The following ANO8 variants were observed in gnomAD, a reference collection of about 807,000 sequenced individuals.
The protein encoded by ANO8 is anoctamin-8.
A neutral mutation model predicts 120.4 loss-of-function variants in ANO8; 67 were observed. The observed-to-expected ratio is 0.56, with a 90% CI of 0.46 to 0.68. ANO8 has a LOEUF of 0.68. Among genes scored for constraint, ANO8 ranks in the 30% least tolerant of loss-of-function variants. The probability of loss-of-function intolerance (pLI) is 0.00; values close to 1 mark genes in which losing one functional copy is unlikely to be tolerated. For missense variants in ANO8, 1,526 were observed against 1,737.6 expected (o/e 0.88, Z 2.16); for synonymous variants, 727 against 759.2 (o/e 0.96, Z 0.70).
chr19:17,325,218 C>T lies in ANO8; in HGVS notation c.2830G>A (p.Glu944Lys), dbSNP rs1324351117. Residue 944 changes from glutamate (E) to lysine (K), a missense_variant, in exon 17 of 18, where the codon GAG becomes AAG. By Grantham distance (56) the Glu-to-Lys change is moderately conservative. Around this residue, in one of 8 missense-constraint regions of ANO8, gnomAD observed 489 missense variants for 548.6 expected, o/e 0.89. Coordinates refer to ENST00000159087, the MANE Select transcript of ANO8 (RefSeq NM_020959.3). ...GSGLDPATSS[E>K]KASAKAKGST... ...CCCTTGGCCTTGGCAGAGGCCTTCT[C>T]GGAGGAGGTGGCAGGGTCCAGCCCA... The T allele has an allele frequency of 1.4e-5, 23 of 1,611,908 alleles. No individual in the cohort carries two copies. The highest frequency in any genetic ancestry group is 1.9e-5 in the Non-Finnish European group (22 of 1,179,818).
chr19:17,325,484 G>A (rs1174302105), intron 16 of ANO8, 98 bp from the exon 17 acceptor site: 3 of 1,458,986 alleles, frequency 2.1e-6, no homozygotes, highest in Admixed American at 5.2e-5. Context: ...CAAAAGTGGG[G>A]GAGACTTAAA....
chr19:17,330,879 C>G lies in ANO8; in HGVS notation c.942G>C (p.Gly314=), dbSNP rs930524526. ...RRGAELAYKW[G]TLDSPGEAVE... Reference sequence around the variant, plus strand: ...CGGCTTCCCCAGGTGAGTCCAGCGTCCCCCACTTATATGCCAGCTCAGCCC... The same window carrying G: ...CGGCTTCCCCAGGTGAGTCCAGCGTGCCCCACTTATATGCCAGCTCAGCCC... Residue 314 remains glycine (G), a synonymous_variant, in exon 8 of 18, where the codon GGG becomes GGC. Transcript: ENST00000159087. 7 of 1,614,044 alleles carry G rather than the reference C, an allele frequency of 4.3e-6. No homozygotes were observed. The Admixed American group carries it at 6.7e-5, about 15-fold the overall frequency.
rs757172572 is a variant in ANO8 at position 17,333,575 on chromosome 19, C to T, written c.218-21G>A. On this transcript the variant is annotated intron_variant, in intron 2 of 17. Coordinates refer to ENST00000159087, the MANE Select transcript of ANO8 (RefSeq NM_020959.3). The surrounding 1 kb of genome is among the most constrained non-coding windows in gnomAD (Gnocchi z 7.2). Reference sequence around the variant, plus strand: ...CGTGTCTGCCAAGGGGCACAGGGACCGATGGCTCCTGCCACGAGGGGGCCC... The same window carrying T: ...CGTGTCTGCCAAGGGGCACAGGGACTGATGGCTCCTGCCACGAGGGGGCCC... 4 of 1,607,450 alleles carry T rather than the reference C, an allele frequency of 2.5e-6. No homozygotes were observed. The highest frequency in any genetic ancestry group is 2.2e-5 in the East Asian group (1 of 44,568).
At chr19:17,330,592 T>C (rs1236796094) in intron 8 of ANO8, 88 bp from the exon 9 acceptor site, 58 of 1,442,544 alleles carry the variant, frequency 4.0e-5, no homozygotes, top group Non-Finnish European at 4.9e-5. Context: ...GAACTCAATT[T>C]CCCTCCATCA....
chr19:17,334,390 C>T (rs1205839276), intron 1 of ANO8, among the ~76,000 whole-genome samples, 175 bp downstream of exon 1: 1 of 152,170 alleles, frequency 6.6e-6, no homozygotes, highest in Non-Finnish European at 1.5e-5. Context: ...GGACCCCAGC[C>T]CGAAGCACCG....
chr19:17,323,960 G>A (rs1160966133), intron 17 of ANO8, 76 bp from the exon 18 acceptor site: 6 of 1,059,946 alleles, frequency 5.7e-6, no homozygotes, highest in African/African-American at 1.7e-5. Flanking sequence ...CCCTGCCCGC[G>A]CTCCCTCCCG....
Position 17,330,512 on chromosome 19 carries a change from T to G in ANO8, c.994-8A>C. 6.6e-7 allele frequency: 1 copy of G among 1,505,078 alleles called. No homozygotes were observed. Among genetic ancestry groups the G allele is most frequent in the South Asian group, 1.3e-5 (1 of 76,854 alleles). 93.2% of individuals were successfully genotyped at this position (1,505,078 alleles called of 1,614,324 possible). The stretch of plus-strand genomic sequence containing the variant: ...GCTGATACGTCGCACGCCCTGATGG[T>G]GGGCAAAGACCGGGCCCAGCATGAG... On this transcript the variant is annotated splice_polypyrimidine_tract_variant and splice_region_variant and intron_variant, in intron 8 of 17. Transcript: ENST00000159087.
In ANO8 at chr19:17,334,794, G is replaced by A. The variant is rs939800819; in HGVS notation, c.-124C>T. 1.7e-6 allele frequency: 2 copies of A among 1,163,114 alleles called. No homozygotes were observed. Among genetic ancestry groups the A allele is most frequent in the Non-Finnish European group, 1.1e-6 (1 of 877,556 alleles). 72.0% of individuals were successfully genotyped at this position (1,163,114 alleles called of 1,614,324 possible). On this transcript the variant is annotated 5_prime_UTR_variant, in exon 1 of 18. Transcript: ENST00000159087. Reference sequence around the variant, plus strand: ...GACAAAGGCCGCGCCCGCCCGCGCCGGCCTCGGTCCTCGCTCGCCCGAGCG... The same window carrying A: ...GACAAAGGCCGCGCCCGCCCGCGCCAGCCTCGGTCCTCGCTCGCCCGAGCG...
chr19:17,324,003 T>C (rs1335256466), intron 17 of ANO8, 119 bp from the exon 18 acceptor site: 2 of 1,010,048 alleles, frequency 2.0e-6, no homozygotes, highest in South Asian at 4.7e-5. Context: ...TTATTGCTTC[T>C]GATCAGAGAC....
rs955859095 is a variant in ANO8 at position 17,328,988 on chromosome 19, G to T, written c.1405-5C>A. 1.3e-5 allele frequency: 19 copies of T among 1,485,184 alleles called. No homozygotes were observed. Among genetic ancestry groups the T allele is most frequent in the Non-Finnish European group, 1.7e-5 (19 of 1,119,264 alleles). 92.0% of individuals were successfully genotyped at this position (1,485,184 alleles called of 1,614,324 possible). A position where few individuals can be genotyped will look rare whatever the true frequency, so the allele number is the denominator to read the frequency against. On this transcript the variant is annotated splice_region_variant and splice_polypyrimidine_tract_variant and intron_variant, in intron 12 of 17. Coordinates refer to ENST00000159087, the MANE Select transcript of ANO8 (RefSeq NM_020959.3). Reference sequence around the variant, plus strand: ...GATCAGCAGCGTGGCCAGCATCTGGGGGCAGGAAGGGGAAGGAGAGAGGCG... The same window carrying T: ...GATCAGCAGCGTGGCCAGCATCTGGTGGCAGGAAGGGGAAGGAGAGAGGCG...
Position 17,323,279 on chromosome 19 carries a change from ATAAAT to A in ANO8, c.*233_*237del, listed in dbSNP as rs1034304564. The A allele has an allele frequency of 2.5e-5, 8 of 314,152 alleles. No homozygotes were observed. Among genetic ancestry groups the A allele is most frequent in the African/African-American group, 6.5e-5 (3 of 46,284 alleles). 19.5% of individuals were successfully genotyped at this position (314,152 alleles called of 1,614,324 possible). On this transcript the variant is annotated 3_prime_UTR_variant, in exon 18 of 18. Coordinates refer to ENST00000159087, the MANE Select transcript of ANO8 (RefSeq NM_020959.3). Reference sequence around the variant, plus strand: ...TGCCGTTTTACAAAAATATGACAAAATAAATTAAAAACAAATAAATAATCGCCTGT... The same window carrying A: ...TGCCGTTTTACAAAAATATGACAAAATAAAAACAAATAAATAATCGCCTGT...
At position 17,328,683 on chromosome 19, in the gene ANO8, C is replaced by G. The variant is rs1277117150; in HGVS notation, c.1705G>C (p.Glu569Gln). ...AALVERRRAG[E>Q]GGEEGDGPPG... ...GGCCCGTCCCCCTCCTCCCCGCCTT[C>G]CCCCGCCCGCCGCCGCTCCACCAGC... Residue 569 changes from glutamate (E) to glutamine (Q), a missense_variant, in exon 13 of 18, where the codon GAA (glutamate) becomes CAA (glutamine). Around this residue, in one of 8 missense-constraint regions of ANO8, gnomAD observed 467 missense variants for 425.8 expected, o/e 1.10. Coordinates refer to ENST00000159087, the MANE Select transcript of ANO8 (RefSeq NM_020959.3). 56 of 1,265,578 alleles carry G rather than the reference C, an allele frequency of 4.4e-5. No homozygotes were observed. Among genetic ancestry groups the G allele is most frequent in the Non-Finnish European group, 5.8e-5 (55 of 949,104 alleles). 78.4% of individuals were successfully genotyped at this position (1,265,578 alleles called of 1,614,324 possible).
chr19:17,333,187 A>G lies in ANO8; in HGVS notation c.403T>C (p.Phe135Leu), dbSNP rs1228173790. The change falls in exon 4 of 18, where the codon TTT (phenylalanine) becomes CTT (leucine). Residue 135 changes from phenylalanine (F) to leucine (L), a missense_variant. Phe to Leu is a conservative substitution (Grantham distance 22). This residue lies in a region of ANO8 where 322 missense variants were observed against 431.8 expected (regional missense o/e 0.75). Transcript: ENST00000159087. The surrounding 1 kb of genome is among the most constrained non-coding windows in gnomAD (Gnocchi z 7.2). The stretch of plus-strand genomic sequence containing the variant: ...GAGAAGCCGCGGGTGCCCCCGCCAA[A>G]CTCGGCCTTCACTGCTTTGCGCAGA... ...LGLRKAVKAE[F>L]GGGTRGFSCE... 6.2e-7 allele frequency: 1 copy of G among 1,610,546 alleles called. No individual in the cohort carries two copies. The highest frequency in any genetic ancestry group is 1.3e-5 in the African/African-American group (1 of 74,870).
rs2074290172 is a variant in ANO8 at position 17,328,441 on chromosome 19, C to T, written c.1947G>A (p.Leu649=). ...CGGCCAGGGTGAACACTCCCGGCTC[C>T]AGCCCCTTCTCCACCATAGTGGGGC... ...EGSPTMVEKG[L]EPGVFTLAEE... Residue 649 remains leucine (L), a synonymous_variant, in exon 13 of 18, where the codon CTG becomes CTA. Coordinates refer to ENST00000159087, the MANE Select transcript of ANO8 (RefSeq NM_020959.3). 1 of 1,576,418 alleles carries T rather than the reference C, an allele frequency of 6.3e-7. No individual in the cohort carries two copies.
chr19:17,329,153 C>T, intron 12 of ANO8, 170 bp from the exon 13 acceptor site: 1 of 533,354 alleles, frequency 1.9e-6, no homozygotes. Context: ...GCCCCCAGCG[C>T]TCAGCCACAA....
Position 17,329,792 on chromosome 19 carries a change from C to A in ANO8, c.1369G>T (p.Gly457Cys), listed in dbSNP as rs778259594. 4.3e-6 allele frequency: 7 copies of A among 1,613,394 alleles called. No homozygotes were observed. Among genetic ancestry groups the A allele is most frequent in the East Asian group, 2.2e-5 (1 of 44,858 alleles). The part of the protein sequence containing the change: ...VNSYLSLFYI[G>C]FYLKDMERLK... ...CGCTCCATGTCCTTGAGGTAGAAAC[C>A]GATGTAGAAGAGGCTCAGGTACGAG... Residue 457 changes from glycine to cysteine, a missense_variant, in exon 12 of 18, where the codon GGT becomes TGT. By Grantham distance (159) the Gly-to-Cys change is radical. Transcript: ENST00000159087.
Position 17,331,222 on chromosome 19 carries a change from G to A in ANO8, c.704-7C>T. 6 of 1,614,176 alleles carry A rather than the reference G, an allele frequency of 3.7e-6. No homozygotes were observed. Among genetic ancestry groups the A allele is most frequent in the Non-Finnish European group, 5.1e-6 (6 of 1,180,048 alleles). On this transcript the variant is annotated splice_polypyrimidine_tract_variant and splice_region_variant and intron_variant, in intron 6 of 17. Coordinates refer to ENST00000159087, the MANE Select transcript of ANO8 (RefSeq NM_020959.3). ...AAGTAATCACAGATGTCATCTGCCA[G>A]GGGACAAGTGGGTCTCAGTCACCCC...
At chr19:17,326,111 T>G (rs1464710985) in intron 16 of ANO8, among the ~76,000 whole-genome samples, 1 of 152,110 alleles carries the variant, frequency 6.6e-6, no homozygotes, top group African/African-American at 2.4e-5. Flanking sequence ...ATCAACTCTG[T>G]CCCCGGCTGT....
chr19:17,328,929 G>A lies in ANO8; in HGVS notation c.1459C>T (p.Leu487=). 1 of 1,511,928 alleles carries A rather than the reference G, an allele frequency of 6.6e-7. No individual in the cohort carries two copies. The highest frequency in any genetic ancestry group is 8.8e-7 in the Non-Finnish European group (1 of 1,132,568). 93.7% of individuals were successfully genotyped at this position (1,511,928 alleles called of 1,614,324 possible). A position where few individuals can be genotyped will look rare whatever the true frequency, so the allele number is the denominator to read the frequency against. ...AGGCGCCGGTACAGGTGCGGCTGCA[G>A]GACCTCGCGCACGTTCTGGAGGAAC... ...RQFLQNVREV[L]QPHLYRRLGR... is the part of the protein sequence containing the mutation. The change falls in exon 13 of 18, where the codon CTG becomes TTG. Residue 487 remains leucine (L), a synonymous_variant. Coordinates refer to ENST00000159087, the MANE Select transcript of ANO8 (RefSeq NM_020959.3).
Sources: allele counts gnomAD v4.1 joint callset (sites outside exome capture counted in the v4.1 genomes callset), GRCh38; gene constraint gnomAD v4.1.1; regional missense constraint gnomAD v4.1.1; non-coding constraint Gnocchi (gnomAD v3.1); transcripts MANE v1.5; gene names NCBI Gene and HGNC (gene_info 2026-07-23, HGNC 2026-07-21).